The following SULT1C3 variants were observed in gnomAD, a reference collection of about 807,000 sequenced individuals.
SULT1C3 encodes the protein sulfotransferase 1C3.
Under a neutral mutation model 28.4 loss-of-function variants are expected in SULT1C3, and 31 were observed. The ratio of observed to expected loss-of-function variants is 1.09; its 90% CI spans 0.82 to 1.47. SULT1C3 has a LOEUF of 1.47. Among genes scored for constraint, SULT1C3 ranks in the 40% most tolerant of loss-of-function variants. The pLI is 0.00. For missense variants in SULT1C3, 307 were observed against 272.5 expected, an observed-to-expected ratio of 1.13 and a Z score of -0.89; for synonymous variants, 106 against 92.2, an observed-to-expected ratio of 1.15 and a Z score of -0.86.
chr2:108,256,657 C>A (rs1362723368), intron 5 of SULT1C3, among the ~76,000 whole-genome samples: 1 of 151,972 alleles, frequency 6.6e-6, no homozygotes, highest in Non-Finnish European at 1.5e-5. Context: ...TATAACCAGT[C>A]CTGACATATT....
chr2:108,252,759 C>T (rs1377221269), intron 3 of SULT1C3, among the ~76,000 whole-genome samples: 1 of 152,040 alleles, frequency 6.6e-6, no homozygotes, highest in African/African-American at 2.4e-5. Flanking sequence ...AAGACTCCCT[C>T]TGCTTTGTAT....
rs1345190156 is a variant in SULT1C3, at chr2:108,258,756, C to A, written c.549C>A (p.Asp183Glu). The A allele has an allele frequency of 1.2e-6, 2 of 1,612,652 alleles. No homozygotes were observed. The highest frequency in any genetic ancestry group is 1.1e-5 in the South Asian group (1 of 90,918). ...CAGTTGTTGGCGGGTCCTGGTTTGACCATGTGAAAGGATGGTGGGCTGCAA... is the reference window on the plus strand; with the variant it reads ...CAGTTGTTGGCGGGTCCTGGTTTGAACATGTGAAAGGATGGTGGGCTGCAA... Reference protein sequence around the residue: ...SGKVVGGSWFDHVKGWWAAKD... With the variant: ...SGKVVGGSWFEHVKGWWAAKD... Residue 183 changes from aspartate (D) to glutamate (E), a missense_variant, in exon 6 of 8, where the codon GAC becomes GAA. Transcript: ENST00000681802.
chr2:108,244,478 T>C (rs1470933943), intron 1 of SULT1C3, among the ~76,000 whole-genome samples: 2 of 152,232 alleles, frequency 1.3e-5, no homozygotes, highest in African/African-American at 4.8e-5. Context: ...GTGTTTTGCC[T>C]ATATTTTTGC....
chr2:108,240,330 G>A (rs140931337), intron 1 of SULT1C3, among the ~76,000 whole-genome samples: 94 of 152,284 alleles, frequency 6.2e-4, no homozygotes, highest in Non-Finnish European at 4.4e-5. Context: ...TTCCCTGATG[G>A]TCTGAAAGAA....
intron 1 of SULT1C3, 37 bp from the exon 2 acceptor site, chr2:108,247,151 T>A (rs770863100): frequency 2.1e-5 from 29 of 1,382,686 alleles, no homozygotes; most frequent in South Asian, 8.5e-5. Context: ...ACAACATTTT[T>A]AAAAATTTTA....
At chr2:108,242,821 A>C (rs1675495080) in intron 1 of SULT1C3, among the ~76,000 whole-genome samples, 1 of 152,182 alleles carries the variant, frequency 6.6e-6, no homozygotes, top group Admixed American at 6.5e-5. Context: ...ATGCTACCAG[A>C]AGTTATCTTT....
In SULT1C3 at chr2:108,258,717, G is replaced by T. The variant is rs752206285; in HGVS notation, c.527-17G>T. ...TGTCCCAGTACTGGGAACTAACAGT[G>T]CTCTGACTTCTTCCAGTTGTTGGCG... On this transcript the variant is annotated splice_polypyrimidine_tract_variant and intron_variant, in intron 5 of 7. Transcript: ENST00000681802. 6.2e-7 allele frequency: 1 copy of T among 1,604,880 alleles called. No individual in the cohort carries two copies. The highest frequency in any genetic ancestry group is 8.5e-7 in the Non-Finnish European group (1 of 1,173,318).
intron 4 of SULT1C3, among the ~76,000 whole-genome samples, chr2:108,254,384 C>G (rs1675808736): frequency 6.6e-6 from 1 of 151,950 alleles, no homozygotes; most frequent in South Asian, 2.1e-4. Flanking sequence ...ATAGAGGGCC[C>G]CTACAGGAAG....
intron 7 of SULT1C3, among the ~76,000 whole-genome samples, chr2:108,259,637 T>C (rs10221707): frequency 0.11 from 16,131 of 152,134 alleles, 1,043 homozygotes; most frequent in African/African-American, 0.18. Flanking sequence ...AATAAGATGA[T>C]AGGCTGTCCT....
intron 1 of SULT1C3, among the ~76,000 whole-genome samples, chr2:108,244,002 T>C (rs115443753): frequency 0.025 from 3,872 of 152,330 alleles, 158 homozygotes; most frequent in African/African-American, 0.087. Context: ...GTTACTATTA[T>C]GTTGGGCTGG....
intron 1 of SULT1C3, among the ~76,000 whole-genome samples, chr2:108,240,364 A>C (rs1390023279): frequency 6.6e-6 from 1 of 152,202 alleles, no homozygotes; most frequent in Non-Finnish European, 1.5e-5. Flanking sequence ...GCATTCAATA[A>C]TTTTGATTTG....
At chr2:108,252,156 T>C (rs997787434) in intron 2 of SULT1C3, among the ~76,000 whole-genome samples, 4 of 116,712 alleles carry the variant, frequency 3.4e-5, no homozygotes, top group Admixed American at 1.7e-4. Flanking sequence ...ATTAGATAGA[T>C]AGATAGATAG....
chr2:108,253,349 G>T lies in SULT1C3; in HGVS notation c.306G>T (p.Leu102Phe). The T allele has an allele frequency of 6.5e-7, 1 of 1,527,182 alleles. No individual in the cohort carries two copies. The highest frequency in any genetic ancestry group is 8.8e-7 in the Non-Finnish European group (1 of 1,138,442). The allele number at this position is 1,527,182 out of a possible 1,614,324, so 94.6% of individuals were successfully genotyped here. Residue 102 changes from leucine (L) to phenylalanine (F), a missense_variant, in exon 4 of 8, where the codon TTG becomes TTT. Transcript: ENST00000681802. ...LKFPHKEKPD[L>F]EFVLEMSSPQ... ...ATATAAATTGTTTCTTGCTAGATTTGGAGTTCGTTCTTGAAATGTCCTCAC... is the reference window on the plus strand; with the variant it reads ...ATATAAATTGTTTCTTGCTAGATTTTGAGTTCGTTCTTGAAATGTCCTCAC...
chr2:108,265,289 T>G (rs761475981), downstream of SULT1C3: 10 of 1,613,902 alleles, frequency 6.2e-6, no homozygotes, highest in Non-Finnish European at 8.5e-6. Flanking sequence ...AAATGAAGAA[T>G]TTGACAAGGA....
chr2:108,261,802 T>C (rs930786643), downstream of SULT1C3, among the ~76,000 whole-genome samples: 4 of 152,162 alleles, frequency 2.6e-5, no homozygotes, highest in Non-Finnish European at 5.9e-5. Context: ...CTCTACCTTA[T>C]CGTAGTGACA....
downstream of SULT1C3, among the ~76,000 whole-genome samples, chr2:108,261,197 A>G (rs1676018982): frequency 6.6e-6 from 1 of 152,186 alleles, no homozygotes. Context: ...CTACTGCAAA[A>G]TATCAATCAA....
In SULT1C3 at chr2:108,251,512, ATG is replaced by A. The variant is rs1675724320; in HGVS notation, c.173-852_173-851del. ...CAATCAGACGTATGTACTTCTTGGC[ATG>A]GTGCAAGAAGTACCAAGCACTGCCT... On this transcript the variant is annotated intron_variant, in intron 2 of 7. Coordinates refer to ENST00000681802, the MANE Select transcript of SULT1C3 (RefSeq NM_001320878.2). Among the ~76,000 whole-genome samples the A allele has an allele frequency of 2.6e-5, 4 of 152,186 alleles. No individual in the cohort carries two copies. The South Asian group carries it at 8.3e-4, about 32-fold the overall frequency.
At chr2:108,263,572 T>C (rs768344465), downstream of SULT1C3, among the ~76,000 whole-genome samples, 8 of 152,178 alleles carry the variant, frequency 5.3e-5, no homozygotes, top group African/African-American at 1.9e-4. Flanking sequence ...GAATGCAGCA[T>C]TGGTATAGGG....
At chr2:108,251,246 G>C (rs1675719269) in intron 2 of SULT1C3, among the ~76,000 whole-genome samples, 1 of 151,970 alleles carries the variant, frequency 6.6e-6, no homozygotes, top group African/African-American at 2.4e-5. Flanking sequence ...AGAGAAGTGA[G>C]GGGATTAGAA....
Sources: gnomAD v4.1 joint callset for allele counts (sites outside exome capture counted in the v4.1 genomes callset) on GRCh38, gnomAD v4.1.1 for gene constraint, MANE v1.5 for transcripts, NCBI Gene and HGNC (gene_info 2026-07-23, HGNC 2026-07-21) for gene names.